Variants in NEO1 observed in about 807,000 individuals in gnomAD.
NEO1 encodes neogenin.
In NEO1, 63 loss-of-function variants were observed where a neutral mutation model predicts 159.7. The ratio of observed to expected loss-of-function variants is 0.39; its 90% CI spans 0.32 to 0.49. The LOEUF is 0.49. Among genes scored for constraint, NEO1 ranks in the 20% least tolerant of loss-of-function variants. The pLI is 0.85. For synonymous variants in NEO1, 633 were observed against 662.0 expected, an observed-to-expected ratio of 0.96 and a Z score of 0.67; for missense variants, 1,615 against 1,831.0, an observed-to-expected ratio of 0.88 and a Z score of 2.15.
At chr15:73,178,739 T>A (rs1263575678) in intron 7 of NEO1, among the ~76,000 whole-genome samples, 1 of 152,166 alleles carries the variant, frequency 6.6e-6, no homozygotes, top group Non-Finnish European at 1.5e-5. Context: ...AAGAAAAACT[T>A]CTTTTTTTTC....
intron 7 of NEO1, among the ~76,000 whole-genome samples, chr15:73,192,160 A>G (rs1031290589): frequency 2.0e-5 from 3 of 152,058 alleles, no homozygotes; most frequent in African/African-American, 7.2e-5. Flanking sequence ...GTTATTTTAA[A>G]TAGGTTAGAC....
intron 11 of NEO1, among the ~76,000 whole-genome samples, chr15:73,252,777 G>A (rs980531630): frequency 1.3e-5 from 2 of 152,074 alleles, no homozygotes; most frequent in Non-Finnish European, 2.9e-5. Context: ...ATCACCTGAG[G>A]TCAGGAGTTC....
intron 2 of NEO1, among the ~76,000 whole-genome samples, chr15:73,118,563 A>C (rs1432714682): frequency 6.6e-6 from 1 of 150,988 alleles, no homozygotes; most frequent in African/African-American, 2.4e-5. Context: ...CTGCCTGTTA[A>C]TTTTATCCTC....
In NEO1 at chr15:73,272,582, G is replaced by A. The variant is rs768013695; in HGVS notation, c.2965+20G>A. 6.6e-7 allele frequency: 1 copy of A among 1,509,452 alleles called. No homozygotes were observed. 93.5% of individuals were successfully genotyped at this position (1,509,452 alleles called of 1,614,324 possible). ...TTACAGGTAAAATGCAATCAAGTGT[G>A]CATTTCTTTGTGCGCTCTTCCTGCC... On this transcript the variant is annotated intron_variant, in intron 19 of 28. Transcript: ENST00000261908.
At chr15:73,098,627 G>T (rs1288593208) in intron 1 of NEO1, among the ~76,000 whole-genome samples, 1 of 152,132 alleles carries the variant, frequency 6.6e-6, no homozygotes, top group Admixed American at 6.5e-5. Context: ...GTGTCAGTGT[G>T]TCATAGTTTA....
At chr15:73,295,567 G>T (rs528099797) in intron 26 of NEO1, among the ~76,000 whole-genome samples, 102 of 152,034 alleles carry the variant, frequency 6.7e-4, no homozygotes, top group Non-Finnish European at 1.4e-3. Flanking sequence ...AGTGAAGAGA[G>T]GGGGAAAGAA....
rs570504486 is a variant in NEO1 at position 73,296,099 on chromosome 15, G to A, written c.3902-2249G>A. The stretch of plus-strand genomic sequence containing the variant: ...GCAGGCCTGGGTGCTGACTCATGTA[G>A]GCAACCCCATTTTCCTTTTTCACCT... On this transcript the variant is annotated intron_variant, in intron 26 of 28. Coordinates refer to ENST00000261908, the MANE Select transcript of NEO1 (RefSeq NM_002499.4). Among the ~76,000 whole-genome samples, 2 of 152,300 alleles carry A rather than the reference G, an allele frequency of 1.3e-5. 1 individual carries two copies. The highest frequency in any genetic ancestry group is 4.1e-4 in the South Asian group (2 of 4,822).
In NEO1 at chr15:73,283,073, T is replaced by A; in HGVS notation, c.3372T>A (p.Ala1124=). The change falls in exon 23 of 29, where the codon GCT becomes GCA. Residue 1124 remains alanine, a synonymous_variant. Coordinates refer to ENST00000261908, the MANE Select transcript of NEO1 (RefSeq NM_002499.4). The stretch of plus-strand genomic sequence containing the variant: ...CCATCGTGGTGGTTGTGATTATCGC[T>A]GTCTTTTGTACCCGTCGTACCACCT... ...VITIVVVVII[A]VFCTRRTTSH... The A allele has an allele frequency of 6.2e-7, 1 of 1,614,234 alleles. No individual in the cohort carries two copies. Among genetic ancestry groups the A allele is most frequent in the Non-Finnish European group, 8.5e-7 (1 of 1,180,046 alleles).
At chr15:73,298,842 G>A (rs1830174050) in intron 27 of NEO1, among the ~76,000 whole-genome samples, 1 of 152,178 alleles carries the variant, frequency 6.6e-6, no homozygotes, top group South Asian at 2.1e-4. Flanking sequence ...GGGAACCAAG[G>A]GCTGACCTTT....
chr15:73,146,106 C>T (rs555448709), intron 5 of NEO1, among the ~76,000 whole-genome samples: 1 of 152,346 alleles, frequency 6.6e-6, no homozygotes, highest in East Asian at 1.9e-4. Flanking sequence ...TTGTACCCTT[C>T]TTCCATTAGC....
At chr15:73,124,369 G>A (rs1001595632) in intron 3 of NEO1, among the ~76,000 whole-genome samples, 1 of 152,076 alleles carries the variant, frequency 6.6e-6, no homozygotes, top group African/African-American at 2.4e-5. Flanking sequence ...AGCGTGAGAT[G>A]TATATTATTA....
chr15:73,258,105 A>C (rs1239454878), intron 13 of NEO1, among the ~76,000 whole-genome samples: 1 of 152,158 alleles, frequency 6.6e-6, no homozygotes, highest in African/African-American at 2.4e-5. Context: ...AGACTTTTCT[A>C]TGTGCATGTT....
chr15:73,200,923 C>A (rs2036846435), intron 7 of NEO1, among the ~76,000 whole-genome samples: 1 of 151,982 alleles, frequency 6.6e-6, no homozygotes, highest in Non-Finnish European at 1.5e-5. Flanking sequence ...CTCAAGTGAT[C>A]TGCTGGTCTT....
chr15:73,116,767 A>T lies in NEO1; in HGVS notation c.358A>T (p.Asn120Tyr), dbSNP rs773560271. 2 of 1,614,036 alleles carry T rather than the reference A, an allele frequency of 1.2e-6. No homozygotes were observed. Among genetic ancestry groups the T allele is most frequent in the African/African-American group, 2.7e-5 (2 of 75,056 alleles). The part of the protein sequence containing the change: ...FISNVVHSKH[N>Y]KPDEGYYQCV... ...CAGCAATGTGGTGCATTCCAAACAC[A>T]ATAAACCTGATGAAGGTTATTATCA... Residue 120 changes from asparagine to tyrosine, a missense_variant, in exon 2 of 29, where the codon AAT becomes TAT. Physicochemically the swap from Asn to Tyr is moderately radical, Grantham distance 143. Transcript: ENST00000261908.
At chr15:73,175,189 A>G (rs2035212636) in intron 5 of NEO1, among the ~76,000 whole-genome samples, 1 of 152,192 alleles carries the variant, frequency 6.6e-6, no homozygotes, top group Non-Finnish European at 1.5e-5. Context: ...ATAATCCCCA[A>G]ACTGTATTTA....
intron 1 of NEO1, among the ~76,000 whole-genome samples, chr15:73,057,879 T>C (rs1035663626): frequency 6.6e-6 from 1 of 152,156 alleles, no homozygotes. Flanking sequence ...TATTTAAAAA[T>C]ACATAAATAT....
At chr15:73,253,635 G>A (rs146382302) in intron 12 of NEO1, among the ~76,000 whole-genome samples, 186 bp downstream of exon 12, 18 of 152,204 alleles carry the variant, frequency 1.2e-4, no homozygotes, top group Non-Finnish European at 1.5e-4. Flanking sequence ...AAGCAAAGAA[G>A]TAAAAAGACA....
chr15:73,081,995 T>TC (rs1197589450), intron 1 of NEO1, among the ~76,000 whole-genome samples: 3 of 151,158 alleles, frequency 2.0e-5, no homozygotes, highest in Non-Finnish European at 4.4e-5. Flanking sequence ...TGCCTCAGCC[T>TC]CCCGAGTAGC....
At chr15:73,112,338 T>G (rs919948356) in intron 1 of NEO1, among the ~76,000 whole-genome samples, 1 of 152,158 alleles carries the variant, frequency 6.6e-6, no homozygotes, top group African/African-American at 2.4e-5. Flanking sequence ...ATTGAGCAGT[T>G]TAACCTTTTA....
Sources: allele counts gnomAD v4.1 joint callset (sites outside exome capture counted in the v4.1 genomes callset), GRCh38; gene constraint gnomAD v4.1.1; transcripts MANE v1.5; gene names NCBI Gene and HGNC (gene_info 2026-07-23, HGNC 2026-07-21).